MEGF8: variants seen among roughly 807,000 people sequenced by gnomAD.
The protein encoded by MEGF8 is multiple epidermal growth factor-like domains protein 8.
In MEGF8, 156 loss-of-function variants were observed where a neutral mutation model predicts 302.9. The observed-to-expected ratio is 0.52, with a 90% CI of 0.45 to 0.59. The LOEUF (loss-of-function observed/expected upper bound fraction) is 0.59. MEGF8 is among the 20% of genes least tolerant of loss of function. The pLI is 0.00. For synonymous variants in MEGF8, 1,621 were observed against 1,660.5 expected (o/e 0.98, Z 0.58); for missense variants, 3,345 against 3,964.5 (o/e 0.84, Z 4.20).
At chr19:42,327,748 C>T (rs1334456446) in intron 1 of MEGF8, among the ~76,000 whole-genome samples, 1 of 152,106 alleles carries the variant, frequency 6.6e-6, no homozygotes, top group East Asian at 1.9e-4. Context: ...TGTGCAAAGG[C>T]GGGGAAGCGG....
intron 9 of MEGF8, 109 bp downstream of exon 9, chr19:42,343,740 C>T: frequency 1.4e-6 from 2 of 1,415,044 alleles, no homozygotes; most frequent in Non-Finnish European, 1.9e-6. Context: ...AGTGGGGATC[C>T]CTAGGACCAT....
chr19:42,348,663 G>A (rs897990254), intron 13 of MEGF8, among the ~76,000 whole-genome samples, 191 bp downstream of exon 13: 1 of 152,136 alleles, frequency 6.6e-6, no homozygotes, highest in Non-Finnish European at 1.5e-5. Flanking sequence ...GCAGTGGCGC[G>A]ATCTCGGCTC....
chr19:42,366,735 AG>A (rs2039612243), intron 35 of MEGF8, among the ~76,000 whole-genome samples: 1 of 152,192 alleles, frequency 6.6e-6, no homozygotes, highest in South Asian at 2.1e-4. Context: ...CAGGAAATGC[AG>A]TGTATGGTGT....
At position 42,371,735 on chromosome 19, in the gene MEGF8, T is replaced by C. The variant is rs1378973891; in HGVS notation, c.7269+253T>C. Among the ~76,000 whole-genome samples, 3 of 151,964 alleles carry C rather than the reference T, an allele frequency of 2.0e-5. No individual in the cohort carries two copies. In the East Asian group the frequency reaches 5.8e-4, roughly 29 times the overall value. On this transcript the variant is annotated intron_variant, in intron 41 of 41. Coordinates refer to ENST00000251268, the MANE Select transcript of MEGF8 (RefSeq NM_001271938.2). ...GGGAGACAGTCTCCATTACAGGTAG[T>C]CACAGCTAAAGGTGGCACATGCCAG...
Position 42,356,210 on chromosome 19 carries a change from C to T in MEGF8, c.4503+17C>T, listed in dbSNP as rs1385944178. The T allele has an allele frequency of 2.2e-5, 33 of 1,514,838 alleles. No individual in the cohort carries two copies. The highest frequency in any genetic ancestry group is 8.3e-5 in the African/African-American group (6 of 72,672). 93.8% of individuals were successfully genotyped at this position (1,514,838 alleles called of 1,614,324 possible). The stretch of plus-strand genomic sequence containing the variant: ...CTCTCAGCCGTGAGTTGTGGGTACC[C>T]GCTGTCTAGGGATGGTTGCTCCCAG... On this transcript the variant is annotated intron_variant, in intron 25 of 41. Transcript: ENST00000251268. The surrounding 1 kb of genome is among the most constrained non-coding windows in gnomAD (Gnocchi z 5.2).
chr19:42,338,005 C>T (rs953256909), intron 8 of MEGF8, among the ~76,000 whole-genome samples: 1 of 152,020 alleles, frequency 6.6e-6, no homozygotes, highest in Admixed American at 6.6e-5. Flanking sequence ...AGTGTTTCAT[C>T]ATGTTGGCCA....
At chr19:42,348,196 C>T in intron 12 of MEGF8, 76 bp from the exon 13 acceptor site, 1 of 1,346,544 alleles carries the variant, frequency 7.4e-7, no homozygotes, top group South Asian at 1.4e-5. Flanking sequence ...GTTGGGTTGA[C>T]CAGTCTTTTC....
In MEGF8 at chr19:42,351,204, A is replaced by ACTGGGG. The variant is rs2039365945; in HGVS notation, c.2737-9_2737-8insGGGCTG. On this transcript the variant is annotated splice_polypyrimidine_tract_variant and intron_variant, in intron 15 of 41. Coordinates refer to ENST00000251268, the MANE Select transcript of MEGF8 (RefSeq NM_001271938.2). The surrounding 1 kb of genome is among the most constrained non-coding windows in gnomAD (Gnocchi z 5.6). ...AGTGGGGTTCTGACTCCTCTGCCCAACTGACCCCCAGGACCCCTTCTGTGA... is the reference window on the plus strand; with the variant it reads ...AGTGGGGTTCTGACTCCTCTGCCCAACTGGGGCTGACCCCCAGGACCCCTTCTGTGA... The ACTGGGG allele has an allele frequency of 6.4e-7, 1 of 1,552,500 alleles. No homozygotes were observed. Among genetic ancestry groups the ACTGGGG allele is most frequent in the African/African-American group, 1.4e-5 (1 of 73,190 alleles).
chr19:42,344,197 C>T lies in MEGF8; in HGVS notation c.1788+124C>T. The T allele has an allele frequency of 7.2e-7, 1 of 1,381,960 alleles. No homozygotes were observed. The highest frequency in any genetic ancestry group is 9.6e-7 in the Non-Finnish European group (1 of 1,036,680). 85.6% of individuals were successfully genotyped at this position (1,381,960 alleles called of 1,614,324 possible). On this transcript the variant is annotated intron_variant, in intron 10 of 41. Coordinates refer to ENST00000251268, the MANE Select transcript of MEGF8 (RefSeq NM_001271938.2). The surrounding 1 kb of genome is among the most constrained non-coding windows in gnomAD (Gnocchi z 4.5). ...GGAGACTTGTTTTCATGCCGGAGAT[C>T]CTCCTTCCTGATTCCTGACTGCGGA...
rs973094354 is a variant in MEGF8, at chr19:42,354,113, T to C, written c.4011+89T>C. 7.1e-7 allele frequency: 1 copy of C among 1,415,974 alleles called. No individual in the cohort carries two copies. The highest frequency in any genetic ancestry group is 1.5e-5 in the African/African-American group (1 of 68,224). 87.7% of individuals were successfully genotyped at this position (1,415,974 alleles called of 1,614,324 possible). On this transcript the variant is annotated intron_variant, in intron 22 of 41. Transcript: ENST00000251268. This position sits in a 1 kb window ranked among gnomAD's most constrained non-coding sequence, Gnocchi z 4.3. ...GCATCCTCAGACCCTGACCCTAGTATTGCTGTTTTTTTTTTTTTGTTTTTT... is the reference window on the plus strand; with the variant it reads ...GCATCCTCAGACCCTGACCCTAGTACTGCTGTTTTTTTTTTTTTGTTTTTT...
At chr19:42,363,918 C>T (rs1317586935) in intron 35 of MEGF8, among the ~76,000 whole-genome samples, 2 of 152,214 alleles carry the variant, frequency 1.3e-5, no homozygotes, top group Non-Finnish European at 2.9e-5. Flanking sequence ...AGCCTTGACT[C>T]CCAGTCTAGA....
intron 8 of MEGF8, 118 bp downstream of exon 8, chr19:42,337,324 G>A: frequency 7.0e-7 from 1 of 1,431,280 alleles, no homozygotes; most frequent in Admixed American, 1.8e-5. Flanking sequence ...GCCAGTTGGT[G>A]CCAGCCTTAG....
intron 35 of MEGF8, among the ~76,000 whole-genome samples, chr19:42,366,236 T>C (rs2039604321): frequency 6.6e-6 from 1 of 152,244 alleles, no homozygotes; most frequent in Non-Finnish European, 1.5e-5. Context: ...AGTCTCGCTC[T>C]GTCGCCCAGG....
chr19:42,356,839 C>T lies in MEGF8; in HGVS notation c.4688C>T (p.Pro1563Leu). ...GGAGCCGAGGACGGGGGCCCAGGCC[C>T]ATCGCCCCGCTCCTTCCATGCAGCC... Reference protein sequence around the residue: ...LAGAEDGGPGPSPRSFHAAAY... With the variant: ...LAGAEDGGPGLSPRSFHAAAY... The change falls in exon 27 of 42, where the codon CCA (proline) becomes CTA (leucine). Residue 1563 changes from proline to leucine, a missense_variant. Transcript: ENST00000251268. The surrounding 1 kb of genome is among the most constrained non-coding windows in gnomAD (Gnocchi z 5.2). The T allele has an allele frequency of 6.4e-7, 1 of 1,565,694 alleles. No individual in the cohort carries two copies. The highest frequency in any genetic ancestry group is 8.7e-7 in the Non-Finnish European group (1 of 1,155,344).
chr19:42,376,924 G>T lies in MEGF8; in HGVS notation c.*149G>T. 1 of 783,334 alleles carries T rather than the reference G, an allele frequency of 1.3e-6. No individual in the cohort carries two copies. The highest frequency in any genetic ancestry group is 3.1e-5 in the East Asian group (1 of 32,266). 48.5% of individuals were successfully genotyped at this position (783,334 alleles called of 1,614,324 possible). On this transcript the variant is annotated 3_prime_UTR_variant, in exon 42 of 42. Coordinates refer to ENST00000251268, the MANE Select transcript of MEGF8 (RefSeq NM_001271938.2). The surrounding 1 kb of genome is among the most constrained non-coding windows in gnomAD (Gnocchi z 8.2). Reference sequence around the variant, plus strand: ...GGGTTGCCCAGATGGGGCCTCCTTTGTTCTGCATTCAGCAGCTATTTATCG... The same window carrying T: ...GGGTTGCCCAGATGGGGCCTCCTTTTTTCTGCATTCAGCAGCTATTTATCG...
rs1234240857 is a variant in MEGF8, at chr19:42,358,928, G to GAGGAAATCTCACCTCACCTGA, written c.5322_5342dup (p.Ile1775_Glu1781dup). Reference sequence around the variant, plus strand: ...TCTTGCTGGTACAGGAGGTTTCCTGGAGGAAATCTCACCTCACCTGAAGGA... The same window carrying GAGGAAATCTCACCTCACCTGA: ...TCTTGCTGGTACAGGAGGTTTCCTGGAGGAAATCTCACCTCACCTGAAGGAAATCTCACCTCACCTGAAGGA... On this transcript the variant is annotated inframe_insertion, in exon 30 of 42. Transcript: ENST00000251268. The surrounding 1 kb of genome is among the most constrained non-coding windows in gnomAD (Gnocchi z 4.4). The GAGGAAATCTCACCTCACCTGA allele has an allele frequency of 2.5e-6, 4 of 1,611,526 alleles. No individual in the cohort carries two copies. The highest frequency in any genetic ancestry group is 2.7e-5 in the African/African-American group (2 of 74,972).
chr19:42,356,097 C>T lies in MEGF8; in HGVS notation c.4407C>T (p.Cys1469=), dbSNP rs2039448032. 6.3e-7 allele frequency: 1 copy of T among 1,588,626 alleles called. No homozygotes were observed. Among genetic ancestry groups the T allele is most frequent in the Non-Finnish European group, 8.6e-7 (1 of 1,165,406 alleles). ...TCATCCCCCAGAGCCTGGGTGTGTG[C>T]ATCTGTGCCGAGGGCTTCGGGGGCC... is the stretch of plus-strand genomic sequence containing the variant. ...AGTCNQSLGV[C]ICAEGFGGPD... Residue 1469 remains cysteine, a synonymous_variant, in exon 25 of 42, where the codon TGC becomes TGT. Coordinates refer to ENST00000251268, the MANE Select transcript of MEGF8 (RefSeq NM_001271938.2). This position sits in a 1 kb window ranked among gnomAD's most constrained non-coding sequence, Gnocchi z 5.2.
rs1360581640 is a variant in MEGF8 at position 42,375,680 on chromosome 19, G to A, written c.7443G>A (p.Gln2481=). 6.2e-7 allele frequency: 1 copy of A among 1,610,652 alleles called. No homozygotes were observed. Among genetic ancestry groups the A allele is most frequent in the East Asian group, 2.2e-5 (1 of 44,800 alleles). Residue 2481 remains glutamine (Q), a synonymous_variant, in exon 42 of 42, where the codon CAG becomes CAA. Coordinates refer to ENST00000251268, the MANE Select transcript of MEGF8 (RefSeq NM_001271938.2). This position sits in a 1 kb window ranked among gnomAD's most constrained non-coding sequence, Gnocchi z 7.1. ...GPGRTVLFGV[Q]PKFTNVDIRL... ...GCCGCACTGTCCTCTTTGGCGTGCA[G>A]CCCAAATTCACCAACGTGGACATCC...
rs1051022100 is a variant in MEGF8 at position 42,354,816 on chromosome 19, G to A, written c.4144+96G>A. On this transcript the variant is annotated intron_variant, in intron 23 of 41. Coordinates refer to ENST00000251268, the MANE Select transcript of MEGF8 (RefSeq NM_001271938.2). This position sits in a 1 kb window ranked among gnomAD's most constrained non-coding sequence, Gnocchi z 4.3. ...TGAAGTGGGCTCAGGACCCAGCTCT[G>A]CCGCTGCTTATGGGGTGATGTAGTC... The A allele has an allele frequency of 9.6e-6, 13 of 1,347,956 alleles. No homozygotes were observed. The highest frequency in any genetic ancestry group is 9.0e-6 in the Non-Finnish European group (9 of 1,001,586). The allele number at this position is 1,347,956 out of a possible 1,614,324, so 83.5% of individuals were successfully genotyped here.
Sources: gnomAD v4.1 joint callset for allele counts (sites outside exome capture counted in the v4.1 genomes callset) on GRCh38, gnomAD v4.1.1 for gene constraint, Gnocchi (gnomAD v3.1) non-coding constraint, MANE v1.5 for transcripts, NCBI Gene and HGNC (gene_info 2026-07-23, HGNC 2026-07-21) for gene names.